The following MEF2C variants were observed in gnomAD, a reference collection of about 807,000 sequenced individuals.
MEF2C encodes myocyte-specific enhancer factor 2C.
In MEF2C, 6 loss-of-function variants were observed where a neutral mutation model predicts 50.5. That is an observed-to-expected ratio of 0.12 (90% CI 0.07 to 0.23). The LOEUF (loss-of-function observed/expected upper bound fraction) is 0.23, where lower values mean the gene tolerates loss of function less well. Among genes scored for constraint, MEF2C ranks in the 10% least tolerant of loss-of-function variants. MEF2C has a pLI of 1.00. For missense variants in MEF2C, 276 were observed against 605.0 expected (o/e 0.46, Z 5.70); for synonymous variants, 183 against 228.0 (o/e 0.80, Z 1.78).
At position 88,867,042 on chromosome 5, in the gene MEF2C, G is replaced by A. The variant is rs886183158; in HGVS notation, c.-143+15913C>T. Among the ~76,000 whole-genome samples, 41 of 152,232 alleles carry A rather than the reference G, an allele frequency of 2.7e-4. 1 individual carries two copies. Among genetic ancestry groups the A allele is most frequent in the Admixed American group, 2.0e-3 (31 of 15,294 alleles). ...TCCCATTTCAATTAACGCTAATATC[G>A]TAGCTGGAAAAATATATTTTCGCAA... On this transcript the variant is annotated intron_variant, in intron 1 of 10. Transcript: ENST00000504921.
chr5:88,764,807 C>CAAAAAAAA (rs869119169), intron 3 of MEF2C, among the ~76,000 whole-genome samples: 2 of 73,846 alleles, frequency 2.7e-5, no homozygotes, highest in African/African-American at 6.1e-5. Flanking sequence ...GACTCCATCT[C>CAAAAAAAA]AAAAAAAAAA....
intron 3 of MEF2C, chr5:88,771,592 C>T: frequency 1.0e-6 from 1 of 985,350 alleles, no homozygotes; most frequent in Non-Finnish European, 1.2e-6. Context: ...CATCTCTGGT[C>T]CCTAACACAG....
At chr5:88,742,648 A>T in intron 6 of MEF2C, 1 of 985,388 alleles carries the variant, frequency 1.0e-6, no homozygotes, top group South Asian at 4.7e-5. Context: ...AAACTCCTTA[A>T]GAATGAAGTC....
rs1237840547 is a variant in MEF2C at position 88,719,641 on chromosome 5, A to G, written c.*2963T>C. On this transcript the variant is annotated 3_prime_UTR_variant, in exon 11 of 11. Coordinates refer to ENST00000504921, the MANE Select transcript of MEF2C (RefSeq NM_002397.5). ...ATTTACTGTGATTAAAAACCATACT[A>G]GCTTTGCAAATACAATAAATGGTAA... 6.6e-6 allele frequency: 1 copy of G among 152,220 alleles called. No homozygotes were observed. Among genetic ancestry groups the G allele is most frequent in the African/African-American group, 2.4e-5 (1 of 41,474 alleles). 9.4% of individuals were successfully genotyped at this position (152,220 alleles called of 1,614,324 possible).
chr5:88,878,401 AG>A (rs1374749107), intron 1 of MEF2C, among the ~76,000 whole-genome samples: 1 of 152,006 alleles, frequency 6.6e-6, no homozygotes, highest in Non-Finnish European at 1.5e-5. Flanking sequence ...TTAGAAACTT[AG>A]GAAGTAGAAT....
At chr5:88,852,454 G>T (rs1193276223) in intron 1 of MEF2C, among the ~76,000 whole-genome samples, 5 of 152,150 alleles carry the variant, frequency 3.3e-5, no homozygotes, top group Non-Finnish European at 5.9e-5. Context: ...GATTCTGGTT[G>T]TATTAACCAT....
At chr5:88,747,975 T>C in intron 6 of MEF2C, 1 of 838,672 alleles carries the variant, frequency 1.2e-6, no homozygotes. Flanking sequence ...ACACACTAAT[T>C]TGGCTCGACC....
In MEF2C at chr5:88,742,298, G is replaced by A. The variant is rs1767200889; in HGVS notation, c.637+6772C>T. 3 of 985,176 alleles carry A rather than the reference G, an allele frequency of 3.0e-6. No individual in the cohort carries two copies. In the Admixed American group the frequency reaches 1.8e-4, roughly 61 times the overall value. 61.0% of individuals were successfully genotyped at this position (985,176 alleles called of 1,614,324 possible). On this transcript the variant is annotated intron_variant, in intron 6 of 10. Coordinates refer to ENST00000504921, the MANE Select transcript of MEF2C (RefSeq NM_002397.5). ...ATCTTATCATGATGCCAAAGATAGG[G>A]AAGAGGAACCTAATAGGTGTATAAA...
At chr5:88,786,395 T>C (rs2152925589) in intron 3 of MEF2C, among the ~76,000 whole-genome samples, 1 of 152,334 alleles carries the variant, frequency 6.6e-6, no homozygotes, top group South Asian at 2.1e-4. Flanking sequence ...TGTAAGAATG[T>C]TGCACAGGCA....
chr5:88,779,162 C>T (rs1016597289), intron 3 of MEF2C, among the ~76,000 whole-genome samples: 3 of 152,212 alleles, frequency 2.0e-5, no homozygotes, highest in African/African-American at 7.2e-5. Context: ...ATATTAACCA[C>T]ATATTAACCA....
rs1364367747 is a variant in MEF2C, at chr5:88,718,069, C to T, written c.*4535G>A. The T allele has an allele frequency of 6.6e-6, 1 of 152,192 alleles. No homozygotes were observed. Among genetic ancestry groups the T allele is most frequent in the East Asian group, 1.9e-4 (1 of 5,200 alleles). The allele number at this position is 152,192 out of a possible 1,614,324, so 9.4% of individuals were successfully genotyped here. Reference sequence around the variant, plus strand: ...ACCCTAAGAACCGTCATCCAATTCACACCCCTCCCACACAGACACACATAT... The same window carrying T: ...ACCCTAAGAACCGTCATCCAATTCATACCCCTCCCACACAGACACACATAT... On this transcript the variant is annotated 3_prime_UTR_variant, in exon 11 of 11. Coordinates refer to ENST00000504921, the MANE Select transcript of MEF2C (RefSeq NM_002397.5).
chr5:88,755,312 T>C (rs1213903214), intron 4 of MEF2C, among the ~76,000 whole-genome samples: 1 of 152,202 alleles, frequency 6.6e-6, no homozygotes, highest in East Asian at 1.9e-4. Context: ...AAACATCCCT[T>C]GACCATAGAT....
chr5:88,742,641 C>A (rs988359788), intron 6 of MEF2C: 1 of 985,304 alleles, frequency 1.0e-6, no homozygotes, highest in Non-Finnish European at 1.2e-6. Flanking sequence ...GGAAATCAAA[C>A]TCCTTAAGAA....
chr5:88,831,639 A>C (rs907707852), intron 1 of MEF2C, among the ~76,000 whole-genome samples: 1 of 152,076 alleles, frequency 6.6e-6, no homozygotes, highest in African/African-American at 2.4e-5. Flanking sequence ...CACATTTAGA[A>C]GGTTTACACA....
At position 88,751,876 on chromosome 5, in the gene MEF2C, A is replaced by T. The variant is rs953192081; in HGVS notation, c.570T>A (p.Pro190=). The T allele has an allele frequency of 1.9e-6, 3 of 1,613,808 alleles. No individual in the cohort carries two copies. In the African/African-American group the frequency reaches 4.0e-5, roughly 22 times the overall value. The change falls in exon 5 of 11, where the codon CCT becomes CCA. Residue 190 remains proline (P), a synonymous_variant. Transcript: ENST00000504921. ...NSMSPGVTHR[P]PSAGNTGGLM... is the part of the protein sequence containing the mutation. ...ACATACCTGTGTTACCTGCACTTGG[A>T]GGTCGATGTGTTACACCAGGAGACA... is the stretch of plus-strand genomic sequence containing the variant.
intron 3 of MEF2C, chr5:88,780,865 CG>C (rs1561991380): frequency 1.0e-6 from 1 of 985,192 alleles, no homozygotes; most frequent in African/African-American, 1.7e-5. Context: ...ACATCTCTCT[CG>C]TTCTTTCACT....
chr5:88,752,900 A>G (rs1265667495), intron 4 of MEF2C: 1 of 301,998 alleles, frequency 3.3e-6, no homozygotes, highest in African/African-American at 2.3e-5. Context: ...AAGCATTACG[A>G]GTAAAAATAC....
chr5:88,881,028 A>G (rs1357080716), intron 1 of MEF2C: 2 of 152,144 alleles, frequency 1.3e-5, no homozygotes, highest in African/African-American at 4.8e-5. Context: ...GAAGTCTGAA[A>G]AAAAGTCAAA....
chr5:88,775,031 T>C (rs1365106119), intron 3 of MEF2C, among the ~76,000 whole-genome samples: 1 of 152,250 alleles, frequency 6.6e-6, no homozygotes, highest in African/African-American at 2.4e-5. Flanking sequence ...GGCAGAGTAC[T>C]GGGCCCTGGG....
Sources: gnomAD v4.1 joint callset for allele counts (sites outside exome capture counted in the v4.1 genomes callset) on GRCh38, gnomAD v4.1.1 for gene constraint, MANE v1.5 for transcripts, NCBI Gene and HGNC (gene_info 2026-07-23, HGNC 2026-07-21) for gene names.